Variants in SPG11 observed in about 807,000 individuals in gnomAD.
The protein encoded by SPG11 is spatacsin.
In SPG11, 222 loss-of-function variants were observed where a neutral mutation model predicts 274.0. The observed-to-expected ratio is 0.81, with a 90% confidence interval of 0.73 to 0.91. The LOEUF (loss-of-function observed/expected upper bound fraction) is 0.91, where lower values mean the gene tolerates loss of function less well. SPG11 is among the 40% of genes least tolerant of loss of function. The pLI, the probability that SPG11 is intolerant of heterozygous loss-of-function variation, is 0.00. For missense variants in SPG11, 3,114 were observed against 2,872.7 expected (o/e 1.08, Z -1.92); for synonymous variants, 1,144 against 1,039.7 (o/e 1.10, Z -1.93).
chr15:44,574,487 C>G (rs932960960), intron 31 of SPG11, among the ~76,000 whole-genome samples: 1 of 152,132 alleles, frequency 6.6e-6, no homozygotes, highest in East Asian at 1.9e-4. Context: ...CTGTTTTTCT[C>G]CCCCAAGCAG....
At chr15:44,577,288 A>G (rs1250532367) in intron 30 of SPG11, among the ~76,000 whole-genome samples, 7 of 152,156 alleles carry the variant, frequency 4.6e-5, no homozygotes, top group Non-Finnish European at 8.8e-5. Context: ...GGATCCCTGG[A>G]GCCTAGGAGT....
chr15:44,608,694 T>C, intron 18 of SPG11, 89 bp from the exon 19 acceptor site: 1 of 1,292,780 alleles, frequency 7.7e-7, no homozygotes, highest in South Asian at 1.3e-5. Flanking sequence ...TGAAACAAGA[T>C]TAGCTTGAGA....
intron 16 of SPG11, among the ~76,000 whole-genome samples, chr15:44,614,654 T>A (rs2083546500): frequency 2.6e-5 from 4 of 152,240 alleles, no homozygotes; most frequent in African/African-American, 7.2e-5. Flanking sequence ...GTGCCTTAAG[T>A]AACATACTTA....
chr15:44,663,657 G>A lies in SPG11; in HGVS notation c.-10C>T. The A allele has an allele frequency of 6.3e-7, 1 of 1,588,736 alleles. No individual in the cohort carries two copies. The highest frequency in any genetic ancestry group is 8.5e-7 in the Non-Finnish European group (1 of 1,174,120). Reference sequence around the variant, plus strand: ...CTTCCTCTGCAGCCATCTTGGCCCGGCGGTTACTTCCGGTCACTTTCGCCG... The same window carrying A: ...CTTCCTCTGCAGCCATCTTGGCCCGACGGTTACTTCCGGTCACTTTCGCCG... On this transcript the variant is annotated 5_prime_UTR_variant, in exon 1 of 40. Coordinates refer to ENST00000261866, the MANE Select transcript of SPG11 (RefSeq NM_025137.4).
At chr15:44,565,018 T>C (rs1408775296) in intron 38 of SPG11, among the ~76,000 whole-genome samples, 1 of 152,224 alleles carries the variant, frequency 6.6e-6, no homozygotes, top group African/African-American at 2.4e-5. Context: ...ACTACAGGTA[T>C]ATGCCACCAT....
At chr15:44,610,532 G>A (rs1490911974) in intron 18 of SPG11, among the ~76,000 whole-genome samples, 2 of 151,866 alleles carry the variant, frequency 1.3e-5, no homozygotes, top group African/African-American at 2.4e-5. Context: ...ACAGGCGTGC[G>A]CCAAGACGCC....
chr15:44,593,997 T>C (rs1027178083), intron 26 of SPG11, among the ~76,000 whole-genome samples: 4 of 150,924 alleles, frequency 2.7e-5, no homozygotes, highest in African/African-American at 9.7e-5. Flanking sequence ...CACAAATTCC[T>C]GGCCTCAAAT....
intron 7 of SPG11, among the ~76,000 whole-genome samples, chr15:44,636,542 A>AT (rs1351612166): frequency 6.6e-6 from 1 of 151,930 alleles, no homozygotes; most frequent in Non-Finnish European, 1.5e-5. Flanking sequence ...GGCGCCTATA[A>AT]TCCCAGCTAC....
Position 44,660,448 on chromosome 15 carries a change from A to G in SPG11, c.426T>C (p.Ile142=). ...SCSREALQKL[I]DDQDISISLL... ...GATACTTACTGATATCTTGATCGTCAATGAGCTTTTGCAATGCCTCCCTAC... is the reference window on the plus strand; with the variant it reads ...GATACTTACTGATATCTTGATCGTCGATGAGCTTTTGCAATGCCTCCCTAC... Residue 142 remains isoleucine (I), a synonymous_variant, in exon 2 of 40, where the codon ATT becomes ATC. Transcript: ENST00000261866. 6 of 1,613,878 alleles carry G rather than the reference A, an allele frequency of 3.7e-6. No individual in the cohort carries two copies. The highest frequency in any genetic ancestry group is 5.1e-6 in the Non-Finnish European group (6 of 1,179,898).
At position 44,648,954 on chromosome 15, in the gene SPG11, A is replaced by C. The variant is rs1324614993; in HGVS notation, c.1514T>G (p.Leu505Arg). 2 of 1,614,046 alleles carry C rather than the reference A, an allele frequency of 1.2e-6. No homozygotes were observed. The highest frequency in any genetic ancestry group is 1.7e-5 in the Admixed American group (1 of 60,024). ...GLTQEEFLNRLMIHGSASTVD... is the reference protein window; with the variant it reads ...GLTQEEFLNRRMIHGSASTVD... ...AGTGCTGGCACTTCCATGGATCATG[A>C]GTCTGTTTAAAAACTCTTCTTGAGT... The change falls in exon 7 of 40, where the codon CTC becomes CGC. Residue 505 changes from leucine (L) to arginine (R), a missense_variant. Transcript: ENST00000261866.
chr15:44,599,729 A>C (rs1345796996), intron 21 of SPG11, among the ~76,000 whole-genome samples: 1 of 152,246 alleles, frequency 6.6e-6, no homozygotes, highest in Non-Finnish European at 1.5e-5. Flanking sequence ...TTATAAAACA[A>C]ACCAATAAAG....
intron 30 of SPG11, among the ~76,000 whole-genome samples, chr15:44,577,264 A>C (rs571869811): frequency 6.6e-6 from 1 of 152,256 alleles, no homozygotes; most frequent in South Asian, 2.1e-4. Flanking sequence ...TCATTTTGGA[A>C]GGCTAAGGTG....
intron 7 of SPG11, among the ~76,000 whole-genome samples, chr15:44,642,441 T>C (rs2141082431): frequency 6.7e-6 from 1 of 148,614 alleles, no homozygotes; most frequent in Non-Finnish European, 1.5e-5. Context: ...TAATTATATA[T>C]ATACACACAC....
chr15:44,598,500 G>A (rs954958966), intron 22 of SPG11, 127 bp from the exon 23 acceptor site: 1 of 1,247,902 alleles, frequency 8.0e-7, no homozygotes, highest in Non-Finnish European at 1.2e-6. Flanking sequence ...GTGAGACAAA[G>A]AACACACACT....
In SPG11 at chr15:44,570,621, G is replaced by C; in HGVS notation, c.6381C>G (p.Thr2127=). The change falls in exon 34 of 40, where the codon ACC becomes ACG. Residue 2127 remains threonine, a synonymous_variant. Transcript: ENST00000261866. ...ELLILAHHCF[T]LTCHMEGIIR... ...TGATGCCCTCCATGTGGCACGTCAG[G>C]GTGAAGCAATGATGGGCCAGGATCA... 6.2e-7 allele frequency: 1 copy of C among 1,614,088 alleles called. No individual in the cohort carries two copies. Among genetic ancestry groups the C allele is most frequent in the South Asian group, 1.1e-5 (1 of 91,058 alleles).
chr15:44,644,380 A>G (rs2084546097), intron 7 of SPG11, among the ~76,000 whole-genome samples: 1 of 152,142 alleles, frequency 6.6e-6, no homozygotes, highest in South Asian at 2.1e-4. Flanking sequence ...ACATCCCTTC[A>G]TGTTAAAAAC....
chr15:44,661,245 G>A lies in SPG11; in HGVS notation c.258-629C>T, dbSNP rs899914731. Among the ~76,000 whole-genome samples, 6 of 152,250 alleles carry A rather than the reference G, an allele frequency of 3.9e-5. No homozygotes were observed. The East Asian group carries it at 1.2e-3, about 29-fold the overall frequency. On this transcript the variant is annotated intron_variant, in intron 1 of 39. Transcript: ENST00000261866. ...AGCTAATGACTACCATTACTAAACG[G>A]TAGAGTTACGGAATTCTTAAACTGA...
intron 28 of SPG11, chr15:44,588,474 A>G (rs1385002486): frequency 6.4e-6 from 1 of 155,084 alleles, no homozygotes; most frequent in Non-Finnish European, 1.4e-5. Context: ...GTAGAGGAAA[A>G]ACTATAATAG....
intron 20 of SPG11, chr15:44,604,065 G>T: frequency 2.5e-6 from 1 of 394,200 alleles, no homozygotes; most frequent in South Asian, 1.8e-5. Flanking sequence ...AGACAACACT[G>T]TGATCTGGTT....
Sources: gnomAD v4.1 joint callset for allele counts (sites outside exome capture counted in the v4.1 genomes callset) on GRCh38, gnomAD v4.1.1 for gene constraint, MANE v1.5 for transcripts, NCBI Gene and HGNC (gene_info 2026-07-23, HGNC 2026-07-21) for gene names.